Variants in NFIA observed in about 807,000 individuals in gnomAD.
NFIA encodes nuclear factor I A, also known as nuclear factor 1 A-type.
NFIA carries 8 observed loss-of-function variants against 62.8 expected under a neutral mutation model. That is an observed-to-expected ratio of 0.13 (90% CI 0.07 to 0.23). The LOEUF (loss-of-function observed/expected upper bound fraction) is 0.23, where lower values mean the gene tolerates loss of function less well. Among genes scored for constraint, NFIA ranks in the 10% least tolerant of loss-of-function variants. The pLI, the probability that NFIA is intolerant of heterozygous loss-of-function variation, is 1.00. For synonymous variants in NFIA, 235 were observed against 238.1 expected (o/e 0.99, Z 0.12); for missense variants, 410 against 642.1 (o/e 0.64, Z 3.91).
chr1:61,218,028 GC>G (rs1428355429), intron 2 of NFIA, among the ~76,000 whole-genome samples: 1 of 152,192 alleles, frequency 6.6e-6, no homozygotes, highest in East Asian at 1.9e-4. Context: ...TTCTTGTTCA[GC>G]AAAACCTTAA....
At chr1:61,410,380 T>C (rs992736889) in intron 9 of NFIA, among the ~76,000 whole-genome samples, 1 of 152,148 alleles carries the variant, frequency 6.6e-6, no homozygotes, top group Non-Finnish European at 1.5e-5. Context: ...GGTGCTTTCT[T>C]AGAAATTAAA....
Position 61,124,014 on chromosome 1 carries a change from C to T in NFIA, c.559+35334C>T, listed in dbSNP as rs144949256. ...CTTGAAGCTGAGAAAGATACCTCCT[C>T]CTAGAGGAAGAGTTGCTTCAGTGTT... On this transcript the variant is annotated intron_variant, in intron 2 of 10. Coordinates refer to ENST00000403491, the MANE Select transcript of NFIA (RefSeq NM_001134673.4). Among the ~76,000 whole-genome samples, 667 of 152,270 alleles carry T rather than the reference C, an allele frequency of 4.4e-3. 7 individuals carry two copies. The highest frequency in any genetic ancestry group is 4.2e-3 in the Non-Finnish European group (283 of 68,010).
At chr1:61,396,343 T>G (rs776287079) in intron 7 of NFIA, among the ~76,000 whole-genome samples, 20 of 152,110 alleles carry the variant, frequency 1.3e-4, no homozygotes, top group Non-Finnish European at 2.9e-4. Flanking sequence ...ACTCCTGGGA[T>G]TAAGCAATCC....
intron 2 of NFIA, among the ~76,000 whole-genome samples, chr1:61,207,369 A>G (rs1652966355): frequency 6.6e-6 from 1 of 152,166 alleles, no homozygotes; most frequent in Non-Finnish European, 1.5e-5. Context: ...TAGATTTAAA[A>G]CAAGACCACA....
chr1:61,228,366 G>T (rs897416995), intron 2 of NFIA, among the ~76,000 whole-genome samples: 1 of 152,194 alleles, frequency 6.6e-6, no homozygotes, highest in Non-Finnish European at 1.5e-5. Context: ...AGAGCTGGGG[G>T]AAGTGTCCCA....
chr1:61,169,223 G>T (rs1346947083), intron 2 of NFIA, among the ~76,000 whole-genome samples: 1 of 152,110 alleles, frequency 6.6e-6, no homozygotes, highest in Non-Finnish European at 1.5e-5. Flanking sequence ...CAACATAGAA[G>T]GTCTGAAGCC....
chr1:61,172,021 A>G (rs954024843), intron 2 of NFIA, among the ~76,000 whole-genome samples: 3 of 152,144 alleles, frequency 2.0e-5, no homozygotes, highest in African/African-American at 2.4e-5. Flanking sequence ...AAGGACTTCA[A>G]CCTCAGGGGA....
intron 2 of NFIA, among the ~76,000 whole-genome samples, chr1:61,264,698 T>C (rs973933066): frequency 6.7e-6 from 1 of 149,844 alleles, no homozygotes; most frequent in African/African-American, 2.5e-5. Context: ...CCGAAGGTAG[T>C]TTATTTGGCA....
chr1:61,368,297 G>A (rs1014038671), intron 6 of NFIA, among the ~76,000 whole-genome samples: 1 of 152,132 alleles, frequency 6.6e-6, no homozygotes, highest in Admixed American at 6.6e-5. Context: ...CCGTGGCTCA[G>A]GTGGCCAACT....
At chr1:61,301,138 C>A (rs1367988318) in intron 3 of NFIA, among the ~76,000 whole-genome samples, 2 of 151,576 alleles carry the variant, frequency 1.3e-5, no homozygotes, top group African/African-American at 4.8e-5. Flanking sequence ...AAATTTCTCA[C>A]GTAGAACTTC....
intron 3 of NFIA, among the ~76,000 whole-genome samples, chr1:61,305,161 A>G (rs12724888): frequency 1.4e-3 from 214 of 152,200 alleles, no homozygotes; most frequent in Middle Eastern, 3.4e-3. Context: ...TTAAAAGGAG[A>G]GAGAAGGAAA....
intron 7 of NFIA, among the ~76,000 whole-genome samples, chr1:61,403,565 G>A (rs1400930401): frequency 6.6e-6 from 1 of 152,094 alleles, no homozygotes; most frequent in Non-Finnish European, 1.5e-5. Context: ...GTAAAGTGAG[G>A]CACCCAAATT....
chr1:61,462,102 G>A lies in NFIA; in HGVS notation c.*6782G>A, dbSNP rs1211110025. ...CATTGCAACCGAAGGTCATAAGGCCGCTAGCTCCGCTGGGACAGAGGCTTG... is the reference window on the plus strand; with the variant it reads ...CATTGCAACCGAAGGTCATAAGGCCACTAGCTCCGCTGGGACAGAGGCTTG... On this transcript the variant is annotated 3_prime_UTR_variant, in exon 11 of 11. Transcript: ENST00000403491. The A allele has an allele frequency of 6.6e-5, 9 of 135,506 alleles. No individual in the cohort carries two copies. The highest frequency in any genetic ancestry group is 2.2e-4 in the African/African-American group (8 of 35,798). 8.4% of individuals were successfully genotyped at this position (135,506 alleles called of 1,614,324 possible).
intron 1 of NFIA, among the ~76,000 whole-genome samples, chr1:61,084,440 TAACA>T (rs1367774460): frequency 6.6e-6 from 1 of 151,936 alleles, no homozygotes; most frequent in East Asian, 1.9e-4. Context: ...TTTTTTTTCC[TAACA>T]AACTTCCAAA....
chr1:61,087,726 G>T (rs543845919), intron 1 of NFIA, among the ~76,000 whole-genome samples: 1 of 152,096 alleles, frequency 6.6e-6, no homozygotes, highest in Non-Finnish European at 1.5e-5. Context: ...CCAATCTGGC[G>T]GCTGGGCCCT....
intron 1 of NFIA, among the ~76,000 whole-genome samples, chr1:61,086,586 A>C (rs1646222874): frequency 6.6e-6 from 1 of 152,140 alleles, no homozygotes; most frequent in South Asian, 2.1e-4. Context: ...GAAACATAGA[A>C]CCTGAAATTT....
chr1:61,196,522 A>G (rs146359298), intron 2 of NFIA, among the ~76,000 whole-genome samples: 7 of 152,340 alleles, frequency 4.6e-5, no homozygotes, highest in African/African-American at 4.8e-5. Context: ...GTTGCATGCA[A>G]TATGACTGGC....
intron 2 of NFIA, among the ~76,000 whole-genome samples, chr1:61,179,444 A>G (rs943296376): frequency 6.6e-6 from 1 of 152,238 alleles, no homozygotes; most frequent in African/African-American, 2.4e-5. Context: ...TTTCTCAGCT[A>G]TAAAGTGGAC....
At position 61,296,798 on chromosome 1, in the gene NFIA, A is replaced by G. The variant is rs1333048134; in HGVS notation, c.625+19213A>G. Among the ~76,000 whole-genome samples, 5 of 152,294 alleles carry G rather than the reference A, an allele frequency of 3.3e-5. No homozygotes were observed. The South Asian group carries it at 8.3e-4, about 25-fold the overall frequency. On this transcript the variant is annotated intron_variant, in intron 3 of 10. Coordinates refer to ENST00000403491, the MANE Select transcript of NFIA (RefSeq NM_001134673.4). ...GTTTCATAGAAAGAAAACCTCTCAT[A>G]TATATTGGGAGGGCTAAGACAAATA... is the stretch of plus-strand genomic sequence containing the variant.
Sources: allele counts gnomAD v4.1 joint callset (sites outside exome capture counted in the v4.1 genomes callset), GRCh38; gene constraint gnomAD v4.1.1; transcripts MANE v1.5; gene names NCBI Gene and HGNC (gene_info 2026-07-23, HGNC 2026-07-21).